The following CDH15 variants were observed in gnomAD, a reference collection of about 807,000 sequenced individuals.
CDH15 encodes cadherin-15.
In CDH15, 73 loss-of-function variants were observed where a neutral mutation model predicts 69.4. That is an observed-to-expected ratio of 1.05 (90% CI 0.87 to 1.28). The LOEUF (loss-of-function observed/expected upper bound fraction) is 1.28, where lower values mean the gene tolerates loss of function less well. Among genes scored for constraint, CDH15 ranks in the 50% most tolerant of loss-of-function variants. CDH15 has a pLI of 0.00. For missense variants in CDH15, 1,343 were observed against 1,133.6 expected, an observed-to-expected ratio of 1.18 and a Z score of -2.65; for synonymous variants, 624 against 507.7, an observed-to-expected ratio of 1.23 and a Z score of -3.08.
intron 11 of CDH15, 77 bp downstream of exon 11, chr16:89,192,521 C>G (rs1476237423): frequency 6.6e-7 from 1 of 1,513,646 alleles, no homozygotes; most frequent in African/African-American, 1.4e-5. Context: ...TGCTAACCAG[C>G]CACGCCGCTT....
At chr16:89,185,587 C>A in intron 5 of CDH15, 1 of 561,384 alleles carries the variant, frequency 1.8e-6, no homozygotes, top group Non-Finnish European at 3.2e-6. Context: ...CAGGGCTCCC[C>A]AAGCAGCCCC....
chr16:89,185,070 A>G (rs1915451808), intron 4 of CDH15, 103 bp from the exon 5 acceptor site: 1 of 1,157,462 alleles, frequency 8.6e-7, no homozygotes, highest in Admixed American at 2.0e-5. Context: ...GCCGTGCTGG[A>G]ACCGGGGAGC....
chr16:89,174,030 G>C (rs1915209231), intron 1 of CDH15, among the ~76,000 whole-genome samples: 1 of 152,222 alleles, frequency 6.6e-6, no homozygotes, highest in African/African-American at 2.4e-5. Context: ...GGGGCTCTTA[G>C]CTCGGGTGAC....
intron 3 of CDH15, 88 bp downstream of exon 3, chr16:89,180,443 C>A: frequency 7.0e-7 from 1 of 1,432,052 alleles, no homozygotes; most frequent in Non-Finnish European, 9.6e-7. Context: ...TTCTCCTCCC[C>A]GCTCGGTGGG....
intron 13 of CDH15, among the ~76,000 whole-genome samples, chr16:89,194,312 T>G (rs762721608): frequency 1.6e-4 from 24 of 152,170 alleles, no homozygotes; most frequent in Non-Finnish European, 2.2e-4. Flanking sequence ...ACAGGATGAA[T>G]GTGCACACGG....
In CDH15 at chr16:89,178,895, G is replaced by A. The variant is rs1915314514; in HGVS notation, c.43-521G>A. Among the ~76,000 whole-genome samples, 3 of 152,134 alleles carry A rather than the reference G, an allele frequency of 2.0e-5. No individual in the cohort carries two copies. The South Asian group carries it at 6.2e-4, about 31-fold the overall frequency. On this transcript the variant is annotated intron_variant, in intron 1 of 13. Coordinates refer to ENST00000289746, the MANE Select transcript of CDH15 (RefSeq NM_004933.3). ...CACAGCCAGCCCACTGTGCCCACAG[G>A]CACCGCCACTGGCTTCTTGGGGTCA...
At chr16:89,188,852 GCCCA>G in intron 7 of CDH15, among the ~76,000 whole-genome samples, 1 of 115,336 alleles carries the variant, frequency 8.7e-6, no homozygotes. Context: ...ACACACAGAT[GCCCA>G]CGCACAGGTG....
chr16:89,194,808 TG>T, intron 13 of CDH15, 53 bp from the exon 14 acceptor site: 1 of 1,534,826 alleles, frequency 6.5e-7, no homozygotes. Context: ...GCCACGGCGG[TG>T]GGGCACCCGC....
At chr16:89,194,716 C>T (rs1915756141) in intron 13 of CDH15, 146 bp from the exon 14 acceptor site, 7 of 773,952 alleles carry the variant, frequency 9.0e-6, no homozygotes, top group South Asian at 3.0e-5. Flanking sequence ...GACGCTTTGC[C>T]TCCCCTCAGA....
At chr16:89,172,220 AG>A (rs954246765) in intron 1 of CDH15, among the ~76,000 whole-genome samples, 3 of 151,526 alleles carry the variant, frequency 2.0e-5, no homozygotes, top group African/African-American at 7.3e-5. Context: ...GAGCAGAGAG[AG>A]GGGGGAGCGG....
At chr16:89,183,352 A>C (rs928150770) in intron 3 of CDH15, 196 bp from the exon 4 acceptor site, 4 of 616,806 alleles carry the variant, frequency 6.5e-6, no homozygotes, top group Admixed American at 2.7e-5. Context: ...CTGTCTGCTA[A>C]GGGAAGGTGG....
At chr16:89,183,785 C>T in intron 4 of CDH15, 93 bp downstream of exon 4, 2 of 1,327,612 alleles carry the variant, frequency 1.5e-6, no homozygotes, top group Non-Finnish European at 2.1e-6. Context: ...TCCAGAGGCC[C>T]CTCAGAGTCT....
intron 13 of CDH15, 67 bp from the exon 14 acceptor site, chr16:89,194,795 G>A: frequency 2.0e-6 from 3 of 1,498,910 alleles, no homozygotes; most frequent in Non-Finnish European, 2.7e-6. Flanking sequence ...GCCCTGGGCT[G>A]TGGCCACGGC....
chr16:89,194,319 A>C (rs917063969), intron 13 of CDH15, among the ~76,000 whole-genome samples: 1 of 152,162 alleles, frequency 6.6e-6, no homozygotes, highest in African/African-American at 2.4e-5. Context: ...GAATGTGCAC[A>C]CGGGGAATCT....
chr16:89,187,373 T>C lies in CDH15; in HGVS notation c.664-56T>C, dbSNP rs991273401. On this transcript the variant is annotated intron_variant, in intron 5 of 13. Coordinates refer to ENST00000289746, the MANE Select transcript of CDH15 (RefSeq NM_004933.3). ...TGGCCTGGCTCCCACCCCTGACCAGTCCCCATGTGCCCCACCTGGGCCCTC... is the reference window on the plus strand; with the variant it reads ...TGGCCTGGCTCCCACCCCTGACCAGCCCCCATGTGCCCCACCTGGGCCCTC... The C allele has an allele frequency of 1.2e-4, 196 of 1,605,576 alleles. 1 individual carries two copies. Among genetic ancestry groups the C allele is most frequent in the South Asian group, 4.7e-4 (43 of 90,770 alleles).
At chr16:89,185,533 GGAGGGGTCTGGTGCAAGTAGGGCGT>G (rs1915465658) in intron 5 of CDH15, 200 bp downstream of exon 5, 1 of 684,086 alleles carries the variant, frequency 1.5e-6, no homozygotes, top group African/African-American at 1.8e-5. Context: ...GGCCCGGGTG[GGAGGGGTCTGGTGCAAGTAGGGCGT>G]GAGGGGCCCG....
rs879757802 is a variant in CDH15 at position 89,191,482 on chromosome 16, G to A, written c.1375+10G>A. On this transcript the variant is annotated intron_variant, in intron 9 of 13. Transcript: ENST00000289746. ...CTGGCCCAGGATGACGGTGAGCGGC[G>A]CCGCCGGCTTGGGGCTCCCTGACCT... The A allele has an allele frequency of 1.4e-5, 22 of 1,611,440 alleles. No individual in the cohort carries two copies. Among genetic ancestry groups the A allele is most frequent in the Admixed American group, 6.7e-5 (4 of 59,954 alleles).
intron 5 of CDH15, among the ~76,000 whole-genome samples, chr16:89,186,637 C>T (rs1197837397): frequency 2.3e-4 from 24 of 106,350 alleles, no homozygotes; most frequent in South Asian, 3.5e-4. Context: ...TGTAAACGCT[C>T]ACCCAGCGCA....
At chr16:89,194,781 CTT>C (rs1176527288) in intron 13 of CDH15, 79 bp from the exon 14 acceptor site, 2 of 1,430,242 alleles carry the variant, frequency 1.4e-6, no homozygotes, top group African/African-American at 2.8e-5. Context: ...CTTGAGCTGA[CTT>C]TGCCCTGGGC....
Sources: gnomAD v4.1 joint callset for allele counts (sites outside exome capture counted in the v4.1 genomes callset) on GRCh38, gnomAD v4.1.1 for gene constraint, MANE v1.5 for transcripts, NCBI Gene and HGNC (gene_info 2026-07-23, HGNC 2026-07-21) for gene names.